Variants in VPS54 observed in about 807,000 individuals in gnomAD.
VPS54 encodes the protein vacuolar protein sorting-associated protein 54.
A neutral mutation model predicts 121.5 loss-of-function variants in VPS54; 45 were observed. The ratio of observed to expected loss-of-function variants is 0.37; its 90% confidence interval spans 0.29 to 0.47. VPS54 has a LOEUF of 0.47. Ranked by LOEUF, VPS54 falls within the 20% of genes least tolerant of loss-of-function variation. The probability of loss-of-function intolerance (pLI) is 0.99; values close to 1 mark genes in which losing one functional copy is unlikely to be tolerated. For missense variants in VPS54, 1,090 were observed against 1,131.4 expected, an observed-to-expected ratio of 0.96 and a Z score of 0.52; for synonymous variants, 371 against 385.8, an observed-to-expected ratio of 0.96 and a Z score of 0.45.
chr2:63,970,746 C>T (rs916898304), intron 4 of VPS54, among the ~76,000 whole-genome samples: 1 of 152,140 alleles, frequency 6.6e-6, no homozygotes, highest in East Asian at 1.9e-4. Context: ...CACTTTTTGT[C>T]TCCTTCACAG....
chr2:63,957,689 T>A (rs1257525624), intron 7 of VPS54, among the ~76,000 whole-genome samples: 1 of 152,152 alleles, frequency 6.6e-6, no homozygotes, highest in East Asian at 1.9e-4. Flanking sequence ...CCTCTTTGAA[T>A]AGAGACAGGA....
At chr2:63,979,240 TG>T (rs1464569002) in intron 3 of VPS54, among the ~76,000 whole-genome samples, 3,681 of 149,928 alleles carry the variant, frequency 0.025, 155 homozygotes, top group African/African-American at 0.087. Flanking sequence ...TTTTTCTGTT[TG>T]TTTTTTTTTT....
At chr2:63,989,282 T>G (rs1164046745) in intron 1 of VPS54, among the ~76,000 whole-genome samples, 1 of 152,186 alleles carries the variant, frequency 6.6e-6, no homozygotes, top group Non-Finnish European at 1.5e-5. Context: ...CCTTGTGATA[T>G]TTTGTTGCCC....
intron 13 of VPS54, among the ~76,000 whole-genome samples, 196 bp downstream of exon 13, chr2:63,921,010 C>T (rs1032304565): frequency 6.6e-6 from 1 of 151,988 alleles, no homozygotes. Flanking sequence ...GAAAATAATG[C>T]TTTAATAACT....
At chr2:63,998,187 T>C (rs1291085194) in intron 1 of VPS54, among the ~76,000 whole-genome samples, 1 of 152,210 alleles carries the variant, frequency 6.6e-6, no homozygotes, top group Non-Finnish European at 1.5e-5. Flanking sequence ...CCCTTTATCA[T>C]TATATGGTGA....
At chr2:63,920,418 A>T in intron 14 of VPS54, 28 bp downstream of exon 14, 1 of 1,433,258 alleles carries the variant, frequency 7.0e-7, no homozygotes, top group Non-Finnish European at 9.2e-7. Flanking sequence ...GAAAAAATCA[A>T]ACAACAGAAT....
In VPS54 at chr2:63,984,078, C is replaced by G. The variant is rs1429969378; in HGVS notation, c.-20-59G>C. On this transcript the variant is annotated intron_variant, in intron 1 of 22. Transcript: ENST00000272322. ...CGCAAATCAAAATCCAAGTATTATA[C>G]ATGTCACAAATTTTCTTTCAAAAGC... 5.9e-6 allele frequency: 8 copies of G among 1,362,964 alleles called. No homozygotes were observed. The East Asian group carries it at 2.1e-4, about 35-fold the overall frequency. 84.4% of individuals were successfully genotyped at this position (1,362,964 alleles called of 1,614,324 possible).
chr2:63,899,466 C>T lies in VPS54; in HGVS notation c.2733+8G>A, dbSNP rs1450060057. On this transcript the variant is annotated splice_region_variant and intron_variant, in intron 21 of 22. Transcript: ENST00000272322. ...TATACATGAATAGTTTTAGGAATTA[C>T]TTCTCACCTGTGTTTGTTCTTCTGG... is the stretch of plus-strand genomic sequence containing the variant. 1.9e-6 allele frequency: 3 copies of T among 1,611,452 alleles called. No homozygotes were observed. The highest frequency in any genetic ancestry group is 2.2e-5 in the East Asian group (1 of 44,820).
At chr2:63,996,903 T>G (rs1408295481) in intron 1 of VPS54, among the ~76,000 whole-genome samples, 4 of 152,186 alleles carry the variant, frequency 2.6e-5, no homozygotes, top group Non-Finnish European at 5.9e-5. Flanking sequence ...TTGAAGCATG[T>G]GATCTCTGTG....
In VPS54 at chr2:64,000,893, T is replaced by G. The variant is rs74710048; in HGVS notation, c.-20-16874A>C. Among the ~76,000 whole-genome samples, 17 of 152,308 alleles carry G rather than the reference T, an allele frequency of 1.1e-4. No homozygotes were observed. The East Asian group carries it at 2.7e-3, about 24-fold the overall frequency. Reference sequence around the variant, plus strand: ...CCACTACCTGGCTACCGCCTATGTTTGTTCAAGGACCTAGGGCTCTACCAT... The same window carrying G: ...CCACTACCTGGCTACCGCCTATGTTGGTTCAAGGACCTAGGGCTCTACCAT... On this transcript the variant is annotated intron_variant, in intron 1 of 22. Coordinates refer to ENST00000272322, the MANE Select transcript of VPS54 (RefSeq NM_016516.3).
rs765244617 is a variant in VPS54, at chr2:63,901,874, G to A, written c.2626-2293C>T. ...CTACTAAAAATACAAAATTAGCTGG[G>A]CATGGTGGTGCATGCCTGTAATCCT... On this transcript the variant is annotated intron_variant, in intron 20 of 22. Coordinates refer to ENST00000272322, the MANE Select transcript of VPS54 (RefSeq NM_016516.3). 9.2e-5 allele frequency among the ~76,000 whole-genome samples: 14 copies of A among 152,232 alleles called. No homozygotes were observed. In the East Asian group the frequency reaches 2.5e-3, roughly 27 times the overall value.
intron 1 of VPS54, among the ~76,000 whole-genome samples, chr2:63,999,579 G>A (rs1482065468): frequency 2.0e-5 from 3 of 152,140 alleles, no homozygotes; most frequent in African/African-American, 4.8e-5. Context: ...CTCTCTGGGT[G>A]AAATTTGCTT....
chr2:64,017,917 T>C (rs1678785182), intron 1 of VPS54, among the ~76,000 whole-genome samples: 1 of 152,194 alleles, frequency 6.6e-6, no homozygotes, highest in Non-Finnish European at 1.5e-5. Context: ...ACACTACAAA[T>C]ACAGTCAAAC....
Position 63,962,392 on chromosome 2 carries a change from G to C in VPS54, c.676C>G (p.Leu226Val), listed in dbSNP as rs751660861. The change falls in exon 7 of 23, where the codon CTA becomes GTA. Residue 226 changes from leucine (L) to valine (V), a missense_variant. Physicochemically the swap from Leu to Val is conservative, Grantham distance 32. This residue lies in a region of VPS54 where 801 missense variants were observed against 757.0 expected (regional missense o/e 1.06). Coordinates refer to ENST00000272322, the MANE Select transcript of VPS54 (RefSeq NM_016516.3). Reference protein sequence around the residue: ...VEVNIAHQISLRSEAFFHAMT... With the variant: ...VEVNIAHQISVRSEAFFHAMT... ...GCATGAAAAAATGCTTCTGAACGTAGAGAGATCTGGTGAGCAATGTTTACT... is the reference window on the plus strand; with the variant it reads ...GCATGAAAAAATGCTTCTGAACGTACAGAGATCTGGTGAGCAATGTTTACT... 1.3e-5 allele frequency: 21 copies of C among 1,613,650 alleles called. No homozygotes were observed. The Admixed American group carries it at 1.5e-4, about 12-fold the overall frequency.
intron 1 of VPS54, among the ~76,000 whole-genome samples, chr2:64,004,088 AC>A (rs1678012966): frequency 6.6e-6 from 1 of 152,246 alleles, no homozygotes; most frequent in Non-Finnish European, 1.5e-5. Context: ...CCCACTGGCC[AC>A]ATTTGGGACA....
In VPS54 at chr2:64,003,031, G is replaced by A. The variant is rs200448466; in HGVS notation, c.-21+15907C>T. On this transcript the variant is annotated intron_variant, in intron 1 of 22. Coordinates refer to ENST00000272322, the MANE Select transcript of VPS54 (RefSeq NM_016516.3). ...AGATGTACAGACAAATACAACAAATGTACATGGCATCTGAATCACAAAATT... is the reference window on the plus strand; with the variant it reads ...AGATGTACAGACAAATACAACAAATATACATGGCATCTGAATCACAAAATT... Among the ~76,000 whole-genome samples the A allele has an allele frequency of 3.9e-5, 6 of 152,212 alleles. No homozygotes were observed. The East Asian group carries it at 9.6e-4, about 24-fold the overall frequency.
chr2:63,989,942 C>T (rs185873771), intron 1 of VPS54, among the ~76,000 whole-genome samples: 1 of 152,314 alleles, frequency 6.6e-6, no homozygotes, highest in Non-Finnish European at 1.5e-5. Context: ...AAAATACTGT[C>T]CTTGGTTTCC....
Position 63,947,374 on chromosome 2 carries a change from CA to C in VPS54, c.1245+8del. The stretch of plus-strand genomic sequence containing the variant: ...GACCAAAATATGTCAAATAAAAATG[CA>C]TAATTACCTGTTTAATGATATTCTT... On this transcript the variant is annotated splice_region_variant and intron_variant, in intron 9 of 22. Coordinates refer to ENST00000272322, the MANE Select transcript of VPS54 (RefSeq NM_016516.3). The C allele has an allele frequency of 6.5e-7, 1 of 1,531,226 alleles. No homozygotes were observed. Among genetic ancestry groups the C allele is most frequent in the Non-Finnish European group, 8.8e-7 (1 of 1,131,716 alleles). The allele number at this position is 1,531,226 out of a possible 1,614,324, so 94.9% of individuals were successfully genotyped here.
At chr2:64,005,103 T>TTTTTTC (rs1678069572) in intron 1 of VPS54, among the ~76,000 whole-genome samples, 1 of 102,418 alleles carries the variant, frequency 9.8e-6, no homozygotes, top group African/African-American at 3.9e-5. Flanking sequence ...TTTTTTTTTT[T>TTTTTTC]TTTTTTTTTT....
Sources: allele counts gnomAD v4.1 joint callset (sites outside exome capture counted in the v4.1 genomes callset), GRCh38; gene constraint gnomAD v4.1.1; regional missense constraint gnomAD v4.1.1; transcripts MANE v1.5; gene names NCBI Gene and HGNC (gene_info 2026-07-23, HGNC 2026-07-21).